ZNF442: variants seen among roughly 807,000 people sequenced by gnomAD.
ZNF442 encodes the protein zinc finger protein 442.
Under a neutral mutation model 57.0 loss-of-function variants are expected in ZNF442, and 45 were observed. The observed-to-expected ratio is 0.79, with a 90% CI of 0.62 to 1.01. The LOEUF (loss-of-function observed/expected upper bound fraction) is 1.01, where lower values mean the gene tolerates loss of function less well. Ranked by LOEUF, ZNF442 falls within the 50% of genes least tolerant of loss-of-function variation. The probability of loss-of-function intolerance (pLI) is 0.00; values close to 1 mark genes in which losing one functional copy is unlikely to be tolerated. For synonymous variants in ZNF442, 213 were observed against 241.8 expected (o/e 0.88, Z 1.10); for missense variants, 690 against 756.5 (o/e 0.91, Z 1.03).
Position 12,348,462 on chromosome 19 carries a change from C to T in ZNF442, c.*1239G>A, listed in dbSNP as rs1424857915. On this transcript the variant is annotated 3_prime_UTR_variant, in exon 6 of 6. Coordinates refer to ENST00000242804, the MANE Select transcript of ZNF442 (RefSeq NM_030824.3). ...AGGGATAACATGCCAACAAACACTG[C>T]AAGGATATTTAAAGAAAAAGAACCA... 2 of 152,156 alleles carry T rather than the reference C, an allele frequency of 1.3e-5. No individual in the cohort carries two copies. Among genetic ancestry groups the T allele is most frequent in the Admixed American group, 1.3e-4 (2 of 15,274 alleles). 9.4% of individuals were successfully genotyped at this position (152,156 alleles called of 1,614,324 possible).
rs1209930582 is a variant in ZNF442 at position 12,347,634 on chromosome 19, A to G, written c.*2067T>C. 1 of 152,306 alleles carries G rather than the reference A, an allele frequency of 6.6e-6. No homozygotes were observed. Among genetic ancestry groups the G allele is most frequent in the Non-Finnish European group, 1.5e-5 (1 of 68,088 alleles). The allele number at this position is 152,306 out of a possible 1,614,324, so 9.4% of individuals were successfully genotyped here. A position where few individuals can be genotyped will look rare whatever the true frequency, so the allele number is the denominator to read the frequency against. ...TGTCAGCCCCGCCCATAACTTCAAC[A>G]GAGAATAACGGCCCTAACTGTAACA... On this transcript the variant is annotated 3_prime_UTR_variant, in exon 6 of 6. Transcript: ENST00000242804.
rs145133796 is a variant in ZNF442 at position 12,351,108 on chromosome 19, C to G, written c.477G>C (p.Gly159=). ...AGGAGTGGTGATAATTGAAGGCTGT[C>G]CCACATTGTTTATGTGTATGTGGCT... ...GEKPHTHKQC[G]TAFNYHHSFQ... is the part of the protein sequence containing the mutation. The change falls in exon 6 of 6, where the codon GGG becomes GGC. Residue 159 remains glycine, a synonymous_variant. Coordinates refer to ENST00000242804, the MANE Select transcript of ZNF442 (RefSeq NM_030824.3). The G allele has an allele frequency of 1.9e-6, 3 of 1,613,988 alleles. No homozygotes were observed. The African/African-American group carries it at 4.0e-5, about 22-fold the overall frequency.
intron 3 of ZNF442, among the ~76,000 whole-genome samples, chr19:12,356,488 A>G (rs1969331132): frequency 6.6e-6 from 1 of 152,002 alleles, no homozygotes; most frequent in South Asian, 2.1e-4. Context: ...TTAGCCGGGC[A>G]TGGTGGCGGG....
At chr19:12,369,381 G>C (rs1599597938), upstream of ZNF442, among the ~76,000 whole-genome samples, 1 of 152,224 alleles carries the variant, frequency 6.6e-6, no homozygotes, top group African/African-American at 2.4e-5. Context: ...CACTTTGGGA[G>C]GCCGAGGCGG....
At chr19:12,358,116 C>T (rs954776930) in intron 3 of ZNF442, among the ~76,000 whole-genome samples, 3 of 152,130 alleles carry the variant, frequency 2.0e-5, no homozygotes, top group Non-Finnish European at 4.4e-5. Context: ...CACCCACCAC[C>T]ATGCCTGGCT....
chr19:12,370,897 C>T (rs917681312), upstream of ZNF442, among the ~76,000 whole-genome samples: 3 of 150,144 alleles, frequency 2.0e-5, no homozygotes, highest in Admixed American at 1.3e-4. Flanking sequence ...CGCTTCAACC[C>T]GGAAGGCGGA....
intron 3 of ZNF442, among the ~76,000 whole-genome samples, chr19:12,357,876 A>C (rs1286207437): frequency 1.4e-5 from 2 of 147,156 alleles, no homozygotes; most frequent in African/African-American, 2.5e-5. Context: ...ACCATCCTCC[A>C]CCCTCCTAGA....
At chr19:12,359,952 T>C (rs904092596) in intron 3 of ZNF442, among the ~76,000 whole-genome samples, 1 of 151,918 alleles carries the variant, frequency 6.6e-6, no homozygotes, top group East Asian at 1.9e-4. Flanking sequence ...CATTCCAACA[T>C]GGGCAACAGA....
chr19:12,372,993 T>C, the ZNF442 span, among the ~76,000 whole-genome samples: 1,619 of 152,236 alleles, frequency 0.011, 33 homozygotes, highest in African/African-American at 0.037. Context: ...AGGATGGTCT[T>C]GATCTCCTGA....
In ZNF442 at chr19:12,347,810, A is replaced by T. The variant is rs927910745; in HGVS notation, c.*1891T>A. ...CCCTTCTCAGGTTTACTCCCAATAA[A>T]ACTGTCTCAACTGTTGAGCCACCTT... On this transcript the variant is annotated 3_prime_UTR_variant, in exon 6 of 6. Coordinates refer to ENST00000242804, the MANE Select transcript of ZNF442 (RefSeq NM_030824.3). The T allele has an allele frequency of 1.3e-5, 2 of 152,102 alleles. No homozygotes were observed. The highest frequency in any genetic ancestry group is 4.8e-5 in the African/African-American group (2 of 41,402). 9.4% of individuals were successfully genotyped at this position (152,102 alleles called of 1,614,324 possible).
intron 2 of ZNF442, among the ~76,000 whole-genome samples, chr19:12,364,321 T>C (rs7245823): frequency 0.03 from 4,570 of 151,302 alleles, 240 homozygotes; most frequent in African/African-American, 0.11. Context: ...ACAGGAGAAT[T>C]TCTTGAACCC....
chr19:12,371,215 C>A, the ZNF442 span, among the ~76,000 whole-genome samples: 3 of 151,996 alleles, frequency 2.0e-5, no homozygotes, highest in Non-Finnish European at 4.4e-5. Context: ...CCTGACAAGA[C>A]AAATTGGCAA....
At chr19:12,372,332 G>A in the ZNF442 span, among the ~76,000 whole-genome samples, 33 of 152,036 alleles carry the variant, frequency 2.2e-4, no homozygotes, top group African/African-American at 7.2e-4. Flanking sequence ...GGTGGCGGGC[G>A]CCTGTAATCC....
chr19:12,357,573 G>A (rs558870527), intron 3 of ZNF442, among the ~76,000 whole-genome samples: 5 of 151,308 alleles, frequency 3.3e-5, no homozygotes, highest in African/African-American at 4.9e-5. Context: ...GGCTGGTCTC[G>A]AACTCCTGAC....
intron 3 of ZNF442, among the ~76,000 whole-genome samples, chr19:12,362,387 T>G (rs1049728945): frequency 4.6e-5 from 7 of 150,612 alleles, no homozygotes; most frequent in Non-Finnish European, 8.9e-5. Flanking sequence ...GTCTGGGAAC[T>G]GAGGAGTGTC....
At chr19:12,367,218 C>T (rs1969542666), upstream of ZNF442, among the ~76,000 whole-genome samples, 1 of 152,194 alleles carries the variant, frequency 6.6e-6, no homozygotes, top group Admixed American at 6.5e-5. Flanking sequence ...AAGAATTTTA[C>T]AGCTGGGCCT....
At position 12,351,071 on chromosome 19, in the gene ZNF442, C is replaced by G. The variant is rs771344116; in HGVS notation, c.514G>C (p.Glu172Gln). The change falls in exon 6 of 6, where the codon GAA becomes CAA. Residue 172 changes from glutamate (E) to glutamine (Q), a missense_variant. Glu to Gln is a conservative substitution (Grantham distance 29). Transcript: ENST00000242804. ...FNYHHSFQTQ[E>Q]RPHTGKKRYD... The stretch of plus-strand genomic sequence containing the variant: ...CGTTTCTTTCCAGTGTGAGGTCTTT[C>G]CTGTGTTTGAAAGGAGTGGTGATAA... The G allele has an allele frequency of 7.4e-6, 12 of 1,614,182 alleles. No individual in the cohort carries two copies. Among genetic ancestry groups the G allele is most frequent in the Non-Finnish European group, 1.0e-5 (12 of 1,180,036 alleles).
At position 12,349,653 on chromosome 19, in the gene ZNF442, C is replaced by A. The variant is rs779984622; in HGVS notation, c.*48G>T. 3.0e-5 allele frequency: 46 copies of A among 1,537,296 alleles called. No individual in the cohort carries two copies. The highest frequency in any genetic ancestry group is 3.8e-5 in the Non-Finnish European group (43 of 1,142,518). On this transcript the variant is annotated 3_prime_UTR_variant, in exon 6 of 6. Coordinates refer to ENST00000242804, the MANE Select transcript of ZNF442 (RefSeq NM_030824.3). ...ATGAGGCTTATCTCCTATGTGATTT[C>A]TTTCACGTTTCTGAAATGAAATAAA...
intron 2 of ZNF442, among the ~76,000 whole-genome samples, chr19:12,364,407 C>CAAAAAAAAAAAAA (rs35227073): frequency 1.1e-3 from 100 of 93,074 alleles, no homozygotes; most frequent in Middle Eastern, 6.6e-3. Flanking sequence ...AACTCCATCT[C>CAAAAAAAAAAAAA]AAAAAAAAAA....
Sources: gnomAD v4.1 joint callset for allele counts (sites outside exome capture counted in the v4.1 genomes callset) on GRCh38, gnomAD v4.1.1 for gene constraint, MANE v1.5 for transcripts, NCBI Gene and HGNC (gene_info 2026-07-23, HGNC 2026-07-21) for gene names.